RAPGEF5: variants seen among roughly 807,000 people sequenced by gnomAD.
The protein encoded by RAPGEF5 is M-Ras-regulated GEF.
A neutral mutation model predicts 125.2 loss-of-function variants in RAPGEF5; 65 were observed. The ratio of observed to expected loss-of-function variants is 0.52; its 90% confidence interval spans 0.43 to 0.64. RAPGEF5 has a LOEUF of 0.64. RAPGEF5 is among the 30% of genes least tolerant of loss of function. The pLI is 0.00. For missense variants in RAPGEF5, 958 were observed against 1,048.1 expected (o/e 0.91, Z 1.19); for synonymous variants, 391 against 385.9 (o/e 1.01, Z -0.16).
chr7:22,329,489 C>A (rs1275625588), intron 1 of RAPGEF5, among the ~76,000 whole-genome samples: 2 of 152,096 alleles, frequency 1.3e-5, no homozygotes, highest in Non-Finnish European at 2.9e-5. Flanking sequence ...CAGTCTAGTC[C>A]AGACACATGA....
At chr7:22,226,668 G>A (rs1015696075) in intron 8 of RAPGEF5, among the ~76,000 whole-genome samples, 1 of 152,150 alleles carries the variant, frequency 6.6e-6, no homozygotes. Context: ...GAATCCCTAG[G>A]GAGTCACTGG....
intron 13 of RAPGEF5, among the ~76,000 whole-genome samples, chr7:22,161,963 A>G (rs960232962): frequency 8.5e-5 from 13 of 152,240 alleles, no homozygotes; most frequent in African/African-American, 2.7e-4. Context: ...TCTAAATGTA[A>G]AACTAGATTA....
In RAPGEF5 at chr7:22,266,945, C is replaced by T; in HGVS notation, c.796+19G>A. The T allele has an allele frequency of 6.3e-7, 1 of 1,594,850 alleles. No homozygotes were observed. The highest frequency in any genetic ancestry group is 8.6e-7 in the Non-Finnish European group (1 of 1,163,028). ...CAAAGAATTAGAATCTTCCTCCAGC[C>T]CCATAAAAGATGACTTACCAGACTT... On this transcript the variant is annotated intron_variant, in intron 7 of 25. Coordinates refer to ENST00000665637, the MANE Select transcript of RAPGEF5 (RefSeq NM_012294.5).
chr7:22,251,277 C>A (rs1170543427), intron 7 of RAPGEF5, among the ~76,000 whole-genome samples: 1 of 151,990 alleles, frequency 6.6e-6, no homozygotes, highest in South Asian at 2.1e-4. Flanking sequence ...ACAATGCCAC[C>A]CCCCCAGCAA....
At position 22,323,606 on chromosome 7, in the gene RAPGEF5, G is replaced by A. The variant is rs144398289; in HGVS notation, c.232-5569C>T. 2.2e-3 allele frequency among the ~76,000 whole-genome samples: 333 copies of A among 152,216 alleles called. 2 individuals are homozygous for A. The highest frequency in any genetic ancestry group is 8.4e-3 in the Admixed American group (128 of 15,286). The stretch of plus-strand genomic sequence containing the variant: ...AATTAGGAAAAATGGCTTAATTAGC[G>A]AGCTTACTTATCTCCACTTGTCACT... On this transcript the variant is annotated intron_variant, in intron 1 of 25. Coordinates refer to ENST00000665637, the MANE Select transcript of RAPGEF5 (RefSeq NM_012294.5).
At chr7:22,217,229 G>A (rs183449514) in intron 9 of RAPGEF5, among the ~76,000 whole-genome samples, 2 of 152,262 alleles carry the variant, frequency 1.3e-5, no homozygotes, top group African/African-American at 4.8e-5. Context: ...GTAACTTCAG[G>A]GTTTGGTCAT....
At chr7:22,250,270 A>G (rs1283404184) in intron 7 of RAPGEF5, among the ~76,000 whole-genome samples, 1 of 152,240 alleles carries the variant, frequency 6.6e-6, no homozygotes, top group African/African-American at 2.4e-5. Flanking sequence ...TGAAAAATGC[A>G]AATAGCTAGA....
At chr7:22,267,097 C>T in intron 6 of RAPGEF5, 85 bp from the exon 7 acceptor site, 2 of 1,302,090 alleles carry the variant, frequency 1.5e-6, no homozygotes, top group Non-Finnish European at 1.1e-6. Flanking sequence ...AGATATCCAA[C>T]CCAAATTCAG....
chr7:22,306,375 GA>G (rs1783342382), intron 5 of RAPGEF5, among the ~76,000 whole-genome samples: 1 of 152,060 alleles, frequency 6.6e-6, no homozygotes, highest in African/African-American at 2.4e-5. Context: ...CTTTTTTTGA[GA>G]AACTGTCTAT....
intron 18 of RAPGEF5, among the ~76,000 whole-genome samples, chr7:22,150,000 G>C (rs1405933961): frequency 6.6e-6 from 1 of 151,552 alleles, no homozygotes; most frequent in Non-Finnish European, 1.5e-5. Context: ...ATTGGATAAG[G>C]GAAGAAATAA....
chr7:22,320,125 T>C (rs1353896877), intron 1 of RAPGEF5, among the ~76,000 whole-genome samples: 1 of 152,222 alleles, frequency 6.6e-6, no homozygotes, highest in East Asian at 1.9e-4. Flanking sequence ...AACTGTCTTT[T>C]ACAGGACACA....
Position 22,119,342 on chromosome 7 carries a change from T to C in RAPGEF5, c.*3064A>G, listed in dbSNP as rs147212990. ...TATGCTCCACACTACCTGTTTGTGG[T>C]TCTCGGTCTAGGGAAATGAATTTAT... On this transcript the variant is annotated 3_prime_UTR_variant, in exon 26 of 26. Coordinates refer to ENST00000665637, the MANE Select transcript of RAPGEF5 (RefSeq NM_012294.5). This position sits in a 1 kb window ranked among gnomAD's most constrained non-coding sequence, Gnocchi z 4.1. 27 of 152,264 alleles carry C rather than the reference T, an allele frequency of 1.8e-4. No homozygotes were observed. Among genetic ancestry groups the C allele is most frequent in the African/African-American group, 6.3e-4 (26 of 41,530 alleles). The allele number at this position is 152,264 out of a possible 1,614,324, so 9.4% of individuals were successfully genotyped here. A position where few individuals can be genotyped will look rare whatever the true frequency, so the allele number is the denominator to read the frequency against.
intron 23 of RAPGEF5, among the ~76,000 whole-genome samples, chr7:22,132,006 C>T (rs1782928338): frequency 6.6e-6 from 1 of 152,088 alleles, no homozygotes; most frequent in African/African-American, 2.4e-5. Context: ...TAATTTAAAG[C>T]ATGTGCAAAT....
At chr7:22,179,689 C>T (rs539206598) in intron 11 of RAPGEF5, among the ~76,000 whole-genome samples, 1 of 152,154 alleles carries the variant, frequency 6.6e-6, no homozygotes, top group Non-Finnish European at 1.5e-5. Context: ...CCAGCCAAAT[C>T]CCACCAAAAC....
chr7:22,207,886 C>A (rs977221008), intron 9 of RAPGEF5, among the ~76,000 whole-genome samples: 5 of 152,020 alleles, frequency 3.3e-5, no homozygotes, highest in Admixed American at 6.6e-5. Context: ...TGGCCATAAC[C>A]CAGGAAGTAA....
At chr7:22,305,078 A>C (rs190965025) in intron 5 of RAPGEF5, among the ~76,000 whole-genome samples, 1 of 152,234 alleles carries the variant, frequency 6.6e-6, no homozygotes, top group Non-Finnish European at 1.5e-5. Context: ...TCAGGTGTTA[A>C]AAGCACAGTC....
At position 22,284,143 on chromosome 7, in the gene RAPGEF5, C is replaced by T. The variant is rs115866661; in HGVS notation, c.747+7032G>A. 7.5e-3 allele frequency among the ~76,000 whole-genome samples: 1,131 copies of T among 151,742 alleles called. 8 individuals carry two copies. The highest frequency in any genetic ancestry group is 0.025 in the African/African-American group (1,051 of 41,314). On this transcript the variant is annotated intron_variant, in intron 6 of 25. Transcript: ENST00000665637. ...GGTATTTGGGGATCTATTACCAGGA[C>T]GAAGATACGTAATAGACAGAACATA...
intron 25 of RAPGEF5, among the ~76,000 whole-genome samples, chr7:22,123,111 A>C (rs532315469): frequency 7.2e-5 from 11 of 152,342 alleles, no homozygotes; most frequent in African/African-American, 2.4e-4. Context: ...GATGTGGTTA[A>C]CAGACGAAAT....
chr7:22,150,516 A>T lies in RAPGEF5; in HGVS notation c.1787-12T>A. ...AAGTTCATGCTTTTCTTTATTTGAA[A>T]AAAAAAAAAAAAAAAGGAATAATCA... On this transcript the variant is annotated splice_polypyrimidine_tract_variant and intron_variant, in intron 17 of 25. Coordinates refer to ENST00000665637, the MANE Select transcript of RAPGEF5 (RefSeq NM_012294.5). The T allele has an allele frequency of 1.3e-6, 1 of 778,308 alleles. No individual in the cohort carries two copies. The allele number at this position is 778,308 out of a possible 1,614,324, so 48.2% of individuals were successfully genotyped here.
Sources: gnomAD v4.1 joint callset for allele counts (sites outside exome capture counted in the v4.1 genomes callset) on GRCh38, gnomAD v4.1.1 for gene constraint, Gnocchi (gnomAD v3.1) non-coding constraint, MANE v1.5 for transcripts, NCBI Gene and HGNC (gene_info 2026-07-23, HGNC 2026-07-21) for gene names.